The following DPH6 variants were observed in gnomAD, a reference collection of about 807,000 sequenced individuals.
The protein encoded by DPH6 is diphthine--ammonia ligase.
DPH6 carries 33 observed loss-of-function variants against 38.2 expected under a neutral mutation model. The observed-to-expected ratio is 0.86, with a 90% CI of 0.65 to 1.15. DPH6 has a LOEUF of 1.15. Ranked by LOEUF, DPH6 falls within the 50% of genes most tolerant of loss-of-function variation. The pLI, the probability that DPH6 is intolerant of heterozygous loss-of-function variation, is 0.00. For missense variants in DPH6, 325 were observed against 320.0 expected (o/e 1.02, Z -0.12); for synonymous variants, 108 against 103.0 (o/e 1.05, Z -0.30).
chr15:35,454,676 T>G (rs2053974534), intron 4 of DPH6, 71 bp downstream of exon 4: 1 of 1,281,336 alleles, frequency 7.8e-7, no homozygotes, highest in East Asian at 2.4e-5. Flanking sequence ...TGAATATGAT[T>G]ATTATTTTTC....
chr15:35,468,520 T>C (rs538463566), intron 3 of DPH6, among the ~76,000 whole-genome samples: 7 of 152,282 alleles, frequency 4.6e-5, no homozygotes, highest in African/African-American at 1.4e-4. Context: ...CTCTCTATCC[T>C]CATCTACCAT....
At chr15:35,179,032 T>C in the DPH6 span, among the ~76,000 whole-genome samples, 37,923 of 150,838 alleles carry the variant, frequency 0.25, 5,579 homozygotes, top group East Asian at 0.68. Flanking sequence ...CATGGAGAAA[T>C]CCCATCTCTA....
downstream of DPH6, among the ~76,000 whole-genome samples, chr15:35,214,185 C>A (rs2051401605): frequency 6.6e-6 from 1 of 151,960 alleles, no homozygotes; most frequent in South Asian, 2.1e-4. Context: ...CAAGTATCCT[C>A]ATGTTGATGT....
At chr15:35,287,091 C>T (rs1034076770) in intron 3 of DPH6, among the ~76,000 whole-genome samples, 1 of 152,100 alleles carries the variant, frequency 6.6e-6, no homozygotes, top group Non-Finnish European at 1.5e-5. Context: ...AAATATCGTA[C>T]AGCATATCCA....
chr15:35,403,004 T>A (rs79750108), intron 6 of DPH6, among the ~76,000 whole-genome samples: 4,058 of 152,204 alleles, frequency 0.027, 94 homozygotes, highest in African/African-American at 0.06. Flanking sequence ...TAATGTCTTT[T>A]CAAAGTATAC....
intron 3 of DPH6, among the ~76,000 whole-genome samples, chr15:35,490,793 T>C (rs975536157): frequency 1.3e-5 from 2 of 152,136 alleles, no homozygotes; most frequent in Admixed American, 6.6e-5. Context: ...GGGAATTGTC[T>C]TAGTCCGTTT....
intron 3 of DPH6, among the ~76,000 whole-genome samples, chr15:35,324,664 T>C (rs2052268063): frequency 6.6e-6 from 1 of 152,146 alleles, no homozygotes; most frequent in Non-Finnish European, 1.5e-5. Context: ...GGAATCAAGA[T>C]GCTTATCCAT....
intron 3 of DPH6, among the ~76,000 whole-genome samples, chr15:35,361,587 A>G (rs566928985): frequency 2.0e-5 from 3 of 151,118 alleles, no homozygotes; most frequent in South Asian, 4.2e-4. Flanking sequence ...ATGTCCCATA[A>G]GTTCTTTAGG....
At chr15:35,238,971 G>C (rs922176071) in intron 3 of DPH6, among the ~76,000 whole-genome samples, 1 of 145,200 alleles carries the variant, frequency 6.9e-6, no homozygotes, top group African/African-American at 2.5e-5. Flanking sequence ...CTCTCTTTTC[G>C]GACTCAGCCC....
the DPH6 span, among the ~76,000 whole-genome samples, chr15:35,190,215 T>C: frequency 1.3e-5 from 2 of 152,204 alleles, no homozygotes; most frequent in African/African-American, 4.8e-5. Context: ...AACTGTCCAG[T>C]GGGTTCTCCT....
the DPH6 span, among the ~76,000 whole-genome samples, chr15:35,149,500 G>C: frequency 1.3e-5 from 2 of 152,168 alleles, no homozygotes; most frequent in Non-Finnish European, 2.9e-5. Flanking sequence ...GCCTCCCAAA[G>C]TGCTGGGATT....
chr15:35,468,733 G>A (rs1457973646), intron 3 of DPH6, among the ~76,000 whole-genome samples: 2 of 152,126 alleles, frequency 1.3e-5, no homozygotes, highest in Admixed American at 6.5e-5. Context: ...GGAAGTTTAA[G>A]GGTGGCGAAA....
At chr15:35,485,072 T>G (rs2141158801) in intron 3 of DPH6, among the ~76,000 whole-genome samples, 1 of 152,322 alleles carries the variant, frequency 6.6e-6, no homozygotes, top group East Asian at 1.9e-4. Context: ...CATGTTTAAT[T>G]AATGTAATTT....
At chr15:35,317,305 GA>G (rs1224047296) in intron 3 of DPH6, among the ~76,000 whole-genome samples, 1 of 142,462 alleles carries the variant, frequency 7.0e-6, no homozygotes, top group African/African-American at 2.6e-5. Context: ...AAGAAGGAAA[GA>G]GAGAAAGAAG....
intron 3 of DPH6, among the ~76,000 whole-genome samples, chr15:35,527,442 T>C (rs1024101959): frequency 3.9e-5 from 6 of 152,138 alleles, no homozygotes; most frequent in Admixed American, 1.3e-4. Context: ...TAATGAAATA[T>C]AATCCCTATT....
At position 35,371,137 on chromosome 15, in the gene DPH6, T is replaced by A. The variant is rs1248106326; in HGVS notation, c.*1013A>T. ...ATATACTGTATGATTTCAACTACATTACATTCTGGTAAAAGCAAAACTATG... is the reference window on the plus strand; with the variant it reads ...ATATACTGTATGATTTCAACTACATAACATTCTGGTAAAAGCAAAACTATG... On this transcript the variant is annotated 3_prime_UTR_variant, in exon 9 of 9. Coordinates refer to ENST00000256538, the MANE Select transcript of DPH6 (RefSeq NM_080650.4). The A allele has an allele frequency of 2.0e-5, 3 of 151,806 alleles. No individual in the cohort carries two copies. The highest frequency in any genetic ancestry group is 4.4e-5 in the Non-Finnish European group (3 of 67,786). The allele number at this position is 151,806 out of a possible 1,614,324, so 9.4% of individuals were successfully genotyped here.
intron 6 of DPH6, among the ~76,000 whole-genome samples, chr15:35,382,341 C>A (rs556905055): frequency 6.6e-6 from 1 of 152,082 alleles, no homozygotes; most frequent in Non-Finnish European, 1.5e-5. Context: ...GAGGCCGAGG[C>A]GGGAGAATGG....
At position 35,345,985 on chromosome 15, in the gene DPH6, T is replaced by C. The variant is rs140410938; in HGVS notation, n.208-14908A>G. On this transcript the variant is annotated intron_variant and non_coding_transcript_variant, in intron 3 of 3. Coordinates refer to the DPH6 transcript ENST00000558973. ...ACATCCTTACTTGACAAAATCTATA[T>C]ATTCATAAGTAACTTCACAGAGTGT... Among the ~76,000 whole-genome samples, 466 of 152,096 alleles carry C rather than the reference T, an allele frequency of 3.1e-3. 5 individuals carry two copies. The highest frequency in any genetic ancestry group is 0.011 in the African/African-American group (444 of 41,540).
chr15:35,458,601 A>G (rs1465545378), intron 3 of DPH6, among the ~76,000 whole-genome samples: 1 of 152,182 alleles, frequency 6.6e-6, no homozygotes, highest in East Asian at 1.9e-4. Context: ...AACAATAGCA[A>G]TGGAAGTGTC....
Sources: allele counts gnomAD v4.1 joint callset (sites outside exome capture counted in the v4.1 genomes callset), GRCh38; gene constraint gnomAD v4.1.1; transcripts MANE v1.5; gene names NCBI Gene and HGNC (gene_info 2026-07-23, HGNC 2026-07-21).